Variants in BRINP3 observed in about 807,000 individuals in gnomAD.
BRINP3 encodes BMP/retinoic acid-inducible neural-specific protein 3.
A neutral mutation model predicts 71.0 loss-of-function variants in BRINP3; 19 were observed. The observed-to-expected ratio is 0.27, with a 90% CI of 0.19 to 0.39. The LOEUF is 0.39. Among genes scored for constraint, BRINP3 ranks in the 10% least tolerant of loss-of-function variants. BRINP3 has a pLI of 1.00. For missense variants in BRINP3, 959 were observed against 940.8 expected (o/e 1.02, Z -0.25); for synonymous variants, 380 against 337.7 (o/e 1.13, Z -1.37).
At chr1:190,397,812 A>G (rs930132281) in intron 2 of BRINP3, among the ~76,000 whole-genome samples, 1 of 151,964 alleles carries the variant, frequency 6.6e-6, no homozygotes, top group Non-Finnish European at 1.5e-5. Context: ...TTATCTCATC[A>G]AAAATCATAA....
rs190342586 is a variant in BRINP3, at chr1:190,303,241, A to G, written c.237-21491T>C. Reference sequence around the variant, plus strand: ...TAGAAACAGTAATGCTTTGATATCAATGTAAACATAAATTAAATGATATAA... The same window carrying G: ...TAGAAACAGTAATGCTTTGATATCAGTGTAAACATAAATTAAATGATATAA... On this transcript the variant is annotated intron_variant, in intron 2 of 7. Coordinates refer to ENST00000367462, the MANE Select transcript of BRINP3 (RefSeq NM_199051.3). 3.3e-5 allele frequency among the ~76,000 whole-genome samples: 5 copies of G among 151,946 alleles called. No homozygotes were observed. In the East Asian group the frequency reaches 9.6e-4, roughly 29 times the overall value.
chr1:190,268,999 GA>G (rs1466903690), intron 3 of BRINP3, among the ~76,000 whole-genome samples: 1 of 151,996 alleles, frequency 6.6e-6, no homozygotes, highest in African/African-American at 2.4e-5. Flanking sequence ...AATTGTAAGT[GA>G]AAAAAGTAAG....
At chr1:190,476,369 G>T (rs1406787221) in intron 1 of BRINP3, among the ~76,000 whole-genome samples, 1 of 152,074 alleles carries the variant, frequency 6.6e-6, no homozygotes, top group African/African-American at 2.4e-5. Flanking sequence ...GCGGGGGGCG[G>T]ATGTTCAGAG....
chr1:190,434,960 G>C (rs1314959823), intron 2 of BRINP3, among the ~76,000 whole-genome samples: 1 of 152,114 alleles, frequency 6.6e-6, no homozygotes, highest in Non-Finnish European at 1.5e-5. Context: ...TGACTTAACA[G>C]TATAGTTTTC....
intron 7 of BRINP3, among the ~76,000 whole-genome samples, chr1:190,132,894 G>A (rs1654658385): frequency 6.6e-6 from 1 of 152,060 alleles, no homozygotes; most frequent in African/African-American, 2.4e-5. Context: ...AAGGAAGCCA[G>A]CTAACACGTC....
rs116180386 is a variant in BRINP3, at chr1:190,354,306, A to G, written c.237-72556T>C. ...AAATGGGGTGCTAGTGGCATTACAT[A>G]ATAGAAACCAGGGACTCTTCTAAAC... is the stretch of plus-strand genomic sequence containing the variant. On this transcript the variant is annotated intron_variant, in intron 2 of 7. Coordinates refer to ENST00000367462, the MANE Select transcript of BRINP3 (RefSeq NM_199051.3). Among the ~76,000 whole-genome samples, 1,384 of 152,058 alleles carry G rather than the reference A, an allele frequency of 9.1e-3. 70 individuals carry two copies. The highest frequency in any genetic ancestry group is 0.07 in the Admixed American group (1,071 of 15,226).
At position 190,339,333 on chromosome 1, in the gene BRINP3, G is replaced by T. The variant is rs150688255; in HGVS notation, c.237-57583C>A. ...CCTAGACTAGAAAAAAACAAAGTCA[G>T]ATTTTTCCCTTTGTGGCTGGTAGAA... On this transcript the variant is annotated intron_variant, in intron 2 of 7. Transcript: ENST00000367462. Among the ~76,000 whole-genome samples, 832 of 152,048 alleles carry T rather than the reference G, an allele frequency of 5.5e-3. 5 individuals are homozygous for T. The highest frequency in any genetic ancestry group is 0.018 in the African/African-American group (761 of 41,530).
chr1:190,353,848 A>G (rs2102064684), intron 2 of BRINP3, among the ~76,000 whole-genome samples: 1 of 152,082 alleles, frequency 6.6e-6, no homozygotes, highest in East Asian at 1.9e-4. Context: ...AATGGGGTCA[A>G]GTCTCTCCCT....
At chr1:190,105,359 C>A (rs568990265) in intron 7 of BRINP3, among the ~76,000 whole-genome samples, 1 of 152,090 alleles carries the variant, frequency 6.6e-6, no homozygotes, top group Admixed American at 6.6e-5. Context: ...ATAATTTTGG[C>A]TTGCAAGAAG....
At chr1:190,118,717 T>C (rs530197350) in intron 7 of BRINP3, among the ~76,000 whole-genome samples, 8 of 152,288 alleles carry the variant, frequency 5.3e-5, no homozygotes, top group Admixed American at 5.2e-4. Context: ...CTTAAAGGCA[T>C]AATAAAGGTA....
intron 2 of BRINP3, among the ~76,000 whole-genome samples, chr1:190,408,019 C>CTTT (rs34343187): frequency 0.052 from 5,229 of 99,768 alleles, 787 homozygotes; most frequent in African/African-American, 0.12. Context: ...CTACATTTGT[C>CTTT]TTTTTTTTTT....
chr1:190,143,043 TC>T (rs2102396183), intron 7 of BRINP3, among the ~76,000 whole-genome samples: 1 of 152,262 alleles, frequency 6.6e-6, no homozygotes, highest in African/African-American at 2.4e-5. Context: ...CCAATTTCCT[TC>T]TTTAAAGTAA....
intron 2 of BRINP3, among the ~76,000 whole-genome samples, chr1:190,305,029 T>C (rs1188121078): frequency 6.6e-6 from 1 of 151,796 alleles, no homozygotes; most frequent in Non-Finnish European, 1.5e-5. Flanking sequence ...ACATTATTAA[T>C]CATCAGAGAA....
chr1:190,453,187 A>G (rs1181014968), intron 2 of BRINP3, among the ~76,000 whole-genome samples: 1 of 142,338 alleles, frequency 7.0e-6, no homozygotes, highest in East Asian at 2.1e-4. Flanking sequence ...TACTTTTCAG[A>G]AAGAAAAACT....
intron 4 of BRINP3, among the ~76,000 whole-genome samples, chr1:190,251,411 T>C (rs1660129297): frequency 6.6e-6 from 1 of 152,016 alleles, no homozygotes; most frequent in Non-Finnish European, 1.5e-5. Flanking sequence ...AACTGATACA[T>C]AGAGATGACA....
At chr1:190,469,422 G>C (rs2102700642) in intron 1 of BRINP3, among the ~76,000 whole-genome samples, 1 of 150,756 alleles carries the variant, frequency 6.6e-6, no homozygotes. Context: ...AACATGCTTG[G>C]CGTTATATGC....
At chr1:190,323,027 G>C (rs1354710461) in intron 2 of BRINP3, among the ~76,000 whole-genome samples, 3 of 151,884 alleles carry the variant, frequency 2.0e-5, no homozygotes, top group Non-Finnish European at 4.4e-5. Context: ...GTCTTAACTG[G>C]GGTTGTATTA....
intron 6 of BRINP3, among the ~76,000 whole-genome samples, chr1:190,202,458 G>C (rs1299217424): frequency 6.6e-6 from 1 of 152,118 alleles, no homozygotes; most frequent in Non-Finnish European, 1.5e-5. Context: ...ACTGAAATGA[G>C]TTGGTACTTT....
intron 4 of BRINP3, among the ~76,000 whole-genome samples, chr1:190,264,454 A>G (rs1280729003): frequency 6.6e-6 from 1 of 152,214 alleles, no homozygotes; most frequent in Non-Finnish European, 1.5e-5. Context: ...ATTTTGTGCC[A>G]TGGACGACTT....
Sources: gnomAD v4.1 joint callset for allele counts (sites outside exome capture counted in the v4.1 genomes callset) on GRCh38, gnomAD v4.1.1 for gene constraint, MANE v1.5 for transcripts, NCBI Gene and HGNC (gene_info 2026-07-23, HGNC 2026-07-21) for gene names.